The following PRKCE variants were observed in gnomAD, a reference collection of about 807,000 sequenced individuals.
PRKCE encodes protein kinase C epsilon type.
Under a neutral mutation model 85.4 loss-of-function variants are expected in PRKCE, and 16 were observed. The observed-to-expected ratio is 0.19, with a 90% CI of 0.13 to 0.28. PRKCE has a LOEUF of 0.28. Among genes scored for constraint, PRKCE ranks in the 10% least tolerant of loss-of-function variants. The pLI is 1.00. For missense variants in PRKCE, 573 were observed against 975.2 expected (o/e 0.59, Z 5.49); for synonymous variants, 388 against 371.5 (o/e 1.04, Z -0.51).
rs575799324 is a variant in PRKCE, at chr2:45,987,767, T to C, written c.823+3087T>C. ...CTCGTTATCTACCATGATAGTATCA[T>C]ACAGATTAGCTGGATGGCCCTGGAA... On this transcript the variant is annotated intron_variant, in intron 6 of 14. Transcript: ENST00000306156. 7.2e-5 allele frequency among the ~76,000 whole-genome samples: 11 copies of C among 152,348 alleles called. No individual in the cohort carries two copies. The East Asian group carries it at 2.1e-3, about 29-fold the overall frequency.
chr2:45,971,029 T>G (rs1002172247), intron 2 of PRKCE, among the ~76,000 whole-genome samples: 1 of 152,174 alleles, frequency 6.6e-6, no homozygotes, highest in African/African-American at 2.4e-5. Context: ...GTGATAATGC[T>G]TAACATAAGA....
chr2:46,005,727 T>C (rs1705132912), intron 8 of PRKCE, among the ~76,000 whole-genome samples: 1 of 152,158 alleles, frequency 6.6e-6, no homozygotes, highest in Non-Finnish European at 1.5e-5. Flanking sequence ...GCACCAGCCC[T>C]GAGGCCACAG....
At chr2:45,799,900 C>G (rs1687725048) in intron 1 of PRKCE, among the ~76,000 whole-genome samples, 2 of 152,344 alleles carry the variant, frequency 1.3e-5, no homozygotes, top group South Asian at 4.1e-4. Context: ...CAGGCTGCAG[C>G]TTAATGAGGT....
chr2:45,942,291 C>A (rs1699940068), intron 2 of PRKCE, among the ~76,000 whole-genome samples: 1 of 152,152 alleles, frequency 6.6e-6, no homozygotes, highest in Admixed American at 6.5e-5. Context: ...CAATGCTTAT[C>A]TGGGTGCACC....
At chr2:46,120,002 T>C (rs1479614374) in intron 11 of PRKCE, among the ~76,000 whole-genome samples, 1 of 133,894 alleles carries the variant, frequency 7.5e-6, no homozygotes, top group Non-Finnish European at 1.6e-5. Flanking sequence ...CTTTTGGAGA[T>C]GCTATGCTTT....
intron 2 of PRKCE, among the ~76,000 whole-genome samples, chr2:45,890,434 C>T (rs190964253): frequency 3.3e-5 from 5 of 152,110 alleles, no homozygotes; most frequent in South Asian, 4.1e-4. Flanking sequence ...GACTGGATTG[C>T]GGTGGTGTGA....
chr2:45,757,037 G>T (rs959696330), intron 1 of PRKCE, among the ~76,000 whole-genome samples: 1 of 151,992 alleles, frequency 6.6e-6, no homozygotes, highest in Non-Finnish European at 1.5e-5. Flanking sequence ...GATCACTTGA[G>T]GTCAGGAGTT....
At chr2:45,922,630 C>T (rs1193330892) in intron 2 of PRKCE, among the ~76,000 whole-genome samples, 2 of 152,230 alleles carry the variant, frequency 1.3e-5, no homozygotes, top group African/African-American at 4.8e-5. Flanking sequence ...CAATCTCTGC[C>T]CAGCAGCAAC....
At chr2:46,081,730 A>C (rs1188272335) in intron 10 of PRKCE, among the ~76,000 whole-genome samples, 1 of 152,252 alleles carries the variant, frequency 6.6e-6, no homozygotes, top group Non-Finnish European at 1.5e-5. Flanking sequence ...GACTGAGAAG[A>C]TCACACAGAC....
At chr2:45,837,635 G>C (rs2105447275) in intron 1 of PRKCE, among the ~76,000 whole-genome samples, 1 of 152,280 alleles carries the variant, frequency 6.6e-6, no homozygotes, top group Admixed American at 6.5e-5. Context: ...CACCTCCTGG[G>C]GTTGTGCAGC....
intron 2 of PRKCE, among the ~76,000 whole-genome samples, chr2:45,884,799 C>T (rs1401347975): frequency 7.9e-5 from 12 of 151,538 alleles, no homozygotes; most frequent in Admixed American, 7.9e-4. Flanking sequence ...GGATGAAGAG[C>T]GAAAGACACC....
At chr2:46,135,684 G>T (rs1338453388) in intron 11 of PRKCE, among the ~76,000 whole-genome samples, 2 of 143,840 alleles carry the variant, frequency 1.4e-5, no homozygotes, top group African/African-American at 2.6e-5. Flanking sequence ...TTGACTCTCG[G>T]TTATCAGCAC....
intron 10 of PRKCE, among the ~76,000 whole-genome samples, chr2:46,020,293 C>G (rs1355289481): frequency 6.6e-6 from 1 of 152,092 alleles, no homozygotes; most frequent in East Asian, 1.9e-4. Context: ...CTGTGCAGCT[C>G]CATGTCCGAC....
At chr2:45,998,716 AT>A (rs1704420787) in intron 6 of PRKCE, among the ~76,000 whole-genome samples, 1 of 152,050 alleles carries the variant, frequency 6.6e-6, no homozygotes, top group Admixed American at 6.5e-5. Context: ...ACTGTTTTCT[AT>A]TTGTTGCCCT....
At chr2:45,832,938 A>G (rs1690556160) in intron 1 of PRKCE, among the ~76,000 whole-genome samples, 1 of 152,206 alleles carries the variant, frequency 6.6e-6, no homozygotes, top group Non-Finnish European at 1.5e-5. Context: ...AGTTGTGATT[A>G]TTAGTATTCA....
chr2:46,100,273 C>G (rs1671079037), intron 11 of PRKCE, among the ~76,000 whole-genome samples: 1 of 152,202 alleles, frequency 6.6e-6, no homozygotes, highest in Non-Finnish European at 1.5e-5. Flanking sequence ...GGTGAGACTT[C>G]ATTGGCTGGT....
At chr2:45,913,292 C>T (rs995451141) in intron 2 of PRKCE, among the ~76,000 whole-genome samples, 2 of 152,210 alleles carry the variant, frequency 1.3e-5, no homozygotes, top group South Asian at 2.1e-4. Context: ...GGACCACAGG[C>T]GAGCACCATC....
At chr2:46,102,664 T>C (rs532687261) in intron 11 of PRKCE, among the ~76,000 whole-genome samples, 11 of 152,246 alleles carry the variant, frequency 7.2e-5, no homozygotes, top group Non-Finnish European at 1.5e-4. Flanking sequence ...TCTCAGACTT[T>C]CCTTGTTTTA....
At chr2:46,117,301 C>G (rs960288273) in intron 11 of PRKCE, among the ~76,000 whole-genome samples, 2 of 152,204 alleles carry the variant, frequency 1.3e-5, no homozygotes, top group African/African-American at 2.4e-5. Context: ...TTGAATACAT[C>G]TACATGCCTC....
Sources: gnomAD v4.1 joint callset for allele counts (sites outside exome capture counted in the v4.1 genomes callset) on GRCh38, gnomAD v4.1.1 for gene constraint, MANE v1.5 for transcripts, NCBI Gene and HGNC (gene_info 2026-07-23, HGNC 2026-07-21) for gene names.